PTPRA: variants seen among roughly 807,000 people sequenced by gnomAD.
The protein encoded by PTPRA is protein tyrosine phosphatase receptor type A, also known as receptor-type tyrosine-protein phosphatase alpha.
PTPRA carries 25 observed loss-of-function variants against 104.8 expected under a neutral mutation model. The observed-to-expected ratio is 0.24, with a 90% CI of 0.17 to 0.33. PTPRA has a LOEUF of 0.33. PTPRA is among the 10% of genes least tolerant of loss of function. PTPRA has a pLI of 1.00. For missense variants in PTPRA, 765 were observed against 1,015.3 expected (o/e 0.75, Z 3.35); for synonymous variants, 323 against 368.9 (o/e 0.88, Z 1.43).
chr20:2,976,792 G>A (rs565615411), intron 6 of PTPRA, among the ~76,000 whole-genome samples: 1 of 152,296 alleles, frequency 6.6e-6, no homozygotes, highest in South Asian at 2.1e-4. Context: ...ATTATAATCG[G>A]TTTGATAAGC....
At chr20:2,895,234 C>G (rs529653631) in intron 1 of PTPRA, among the ~76,000 whole-genome samples, 1 of 151,834 alleles carries the variant, frequency 6.6e-6, no homozygotes, top group Non-Finnish European at 1.5e-5. Context: ...CGTCACCACA[C>G]CCAGCTAATT....
Position 2,950,863 on chromosome 20 carries a change from C to A in PTPRA, c.-7+2839C>A, listed in dbSNP as rs930791599. 5.9e-5 allele frequency among the ~76,000 whole-genome samples: 9 copies of A among 151,940 alleles called. No homozygotes were observed. Among genetic ancestry groups the A allele is most frequent in the Middle Eastern group, 3.4e-3 (1 of 292 alleles). On this transcript the variant is annotated intron_variant, in intron 3 of 23. Transcript: ENST00000399903. The surrounding 1 kb of genome is among the most constrained non-coding windows in gnomAD (Gnocchi z 4.0). ...GTGTAAAATTTATTACATTTTGATC[C>A]ATGTATATAGCAGGGAAATATCACC...
At chr20:2,983,896 T>C (rs2062794328) in intron 6 of PTPRA, among the ~76,000 whole-genome samples, 1 of 152,018 alleles carries the variant, frequency 6.6e-6, no homozygotes, top group South Asian at 2.1e-4. Flanking sequence ...TTTACAGTCA[T>C]CTCTCTGATC....
In PTPRA at chr20:3,035,582, C is replaced by T. The variant is rs1555814905; in HGVS notation, c.1921-3C>T. On this transcript the variant is annotated splice_region_variant and splice_polypyrimidine_tract_variant and intron_variant, in intron 20 of 23. Coordinates refer to ENST00000399903, the MANE Select transcript of PTPRA (RefSeq NM_001385305.1). This position sits in a 1 kb window ranked among gnomAD's most constrained non-coding sequence, Gnocchi z 5.8. ...TCCTCACCTCTCCAACCTGTCTCTC[C>T]AGGAGAAGTGTGCCCAGTACTGGCC... The T allele has an allele frequency of 3.1e-6, 5 of 1,610,322 alleles. No homozygotes were observed. The South Asian group carries it at 4.4e-5, about 14-fold the overall frequency.
In PTPRA at chr20:2,988,096, G is replaced by A; in HGVS notation, c.592G>A (p.Glu198Lys). The A allele has an allele frequency of 1.3e-6, 2 of 1,582,976 alleles. No individual in the cohort carries two copies. Among genetic ancestry groups the A allele is most frequent in the Non-Finnish European group, 1.7e-6 (2 of 1,151,630 alleles). ...TTTCCGCTTATCCAACGGCCGCACT[G>A]AGGATGTGGGTAAGGCATTCCTTAA... Reference protein sequence around the residue: ...NSFRLSNGRTEDVEPQSVPLL... With the variant: ...NSFRLSNGRTKDVEPQSVPLL... The change falls in exon 8 of 24, where the codon GAG becomes AAG. Residue 198 changes from glutamate to lysine, a missense_variant. Physicochemically the swap from Glu to Lys is moderately conservative, Grantham distance 56 (BLOSUM62 1). Transcript: ENST00000399903.
At chr20:3,032,525 T>A (rs2065518182) in intron 20 of PTPRA, among the ~76,000 whole-genome samples, 1 of 152,164 alleles carries the variant, frequency 6.6e-6, no homozygotes, top group South Asian at 2.1e-4. Flanking sequence ...CCCAGCACTT[T>A]GGGAGGCCAA....
At chr20:2,932,001 T>G (rs2147517340) in intron 2 of PTPRA, among the ~76,000 whole-genome samples, 1 of 152,306 alleles carries the variant, frequency 6.6e-6, no homozygotes, top group Admixed American at 6.5e-5. Flanking sequence ...AACTTTAACT[T>G]TTTTCTTCCT....
Position 2,966,606 on chromosome 20 carries a change from G to A in PTPRA, c.415+1404G>A, listed in dbSNP as rs1600185717. 3.3e-5 allele frequency among the ~76,000 whole-genome samples: 5 copies of A among 152,308 alleles called. 1 individual carries two copies. In the South Asian group the frequency reaches 1.0e-3, roughly 32 times the overall value. On this transcript the variant is annotated intron_variant, in intron 5 of 23. Transcript: ENST00000399903. ...ACTTGCTTTGTGCTTTAGAGTTAAT[G>A]TAGTTTTGTCATAGTTATTACTGTG...
At chr20:2,945,582 G>GGTGTGT (rs3842441) in intron 2 of PTPRA, among the ~76,000 whole-genome samples, 28 of 148,152 alleles carry the variant, frequency 1.9e-4, no homozygotes, top group East Asian at 5.9e-4. Context: ...ATAATTGGCA[G>GGTGTGT]GTGTGTGTGT....
chr20:3,005,080 G>C lies in PTPRA; in HGVS notation c.763G>C (p.Ala255Pro). Reference sequence around the variant, plus strand: ...GGCTCTCCCTGCATGTCCTATCCAGGCCACCTGTGAGGCTGCTTCCAAGGA... The same window carrying C: ...GGCTCTCCCTGCATGTCCTATCCAGCCCACCTGTGAGGCTGCTTCCAAGGA... ...FNALPACPIQ[A>P]TCEAASKEEN... Residue 255 changes from alanine (A) to proline (P), a missense_variant, in exon 10 of 24, where the codon GCC (alanine) becomes CCC (proline). Transcript: ENST00000399903. 1 of 1,610,760 alleles carries C rather than the reference G, an allele frequency of 6.2e-7. No homozygotes were observed. The highest frequency in any genetic ancestry group is 1.7e-4 in the Middle Eastern group (1 of 6,054).
At chr20:3,023,338 T>C (rs1224949668) in intron 16 of PTPRA, among the ~76,000 whole-genome samples, 5 of 152,110 alleles carry the variant, frequency 3.3e-5, no homozygotes, top group Non-Finnish European at 7.4e-5. Flanking sequence ...GAAGGGTCTG[T>C]GCTGAGGAGG....
At chr20:2,946,491 G>A (rs778184312) in intron 2 of PTPRA, among the ~76,000 whole-genome samples, 4 of 152,128 alleles carry the variant, frequency 2.6e-5, no homozygotes, top group Non-Finnish European at 5.9e-5. Context: ...AAGTTTCTTC[G>A]TATTCCTTTT....
intron 13 of PTPRA, 120 bp from the exon 14 acceptor site, chr20:3,021,189 G>A (rs1314702106): frequency 2.2e-6 from 3 of 1,384,742 alleles, no homozygotes; most frequent in East Asian, 2.4e-5. Context: ...ATAGAGAAGA[G>A]GTCAAAGGGC....
At chr20:2,998,133 G>T (rs1457413828) in intron 9 of PTPRA, among the ~76,000 whole-genome samples, 1 of 143,884 alleles carries the variant, frequency 7.0e-6, no homozygotes, top group Non-Finnish European at 1.5e-5. Context: ...AGTGATCACC[G>T]CACTGCCCTC....
intron 2 of PTPRA, among the ~76,000 whole-genome samples, chr20:2,938,280 G>A (rs1303142089): frequency 6.6e-6 from 1 of 152,164 alleles, no homozygotes. Context: ...CGCCTCCTGG[G>A]TTCAAGCAAT....
intron 11 of PTPRA, among the ~76,000 whole-genome samples, chr20:3,014,393 T>G (rs2064332926): frequency 6.6e-6 from 1 of 151,888 alleles, no homozygotes; most frequent in Non-Finnish European, 1.5e-5. Flanking sequence ...ATCCCAGTAC[T>G]TTGGGAGGCC....
At chr20:2,884,648 A>G (rs906673943) in intron 1 of PTPRA, among the ~76,000 whole-genome samples, 4 of 152,080 alleles carry the variant, frequency 2.6e-5, no homozygotes, top group African/African-American at 9.7e-5. Context: ...AGTTACTTAT[A>G]TATTTTTAGA....
upstream of PTPRA, among the ~76,000 whole-genome samples, chr20:2,872,244 G>C (rs1002197902): frequency 6.6e-6 from 1 of 152,206 alleles, no homozygotes; most frequent in African/African-American, 2.4e-5. This position sits in a 1 kb window ranked among gnomAD's most constrained non-coding sequence, Gnocchi z 7.9. Flanking sequence ...GCTGCTGGGA[G>C]CCCCTTTTGC....
At chr20:2,926,937 C>G (rs888118442) in intron 2 of PTPRA, among the ~76,000 whole-genome samples, 8 of 151,354 alleles carry the variant, frequency 5.3e-5, no homozygotes, top group African/African-American at 1.9e-4. Context: ...ATTACAGGCA[C>G]CCGCCACCAC....
Sources: gnomAD v4.1 joint callset for allele counts (sites outside exome capture counted in the v4.1 genomes callset) on GRCh38, gnomAD v4.1.1 for gene constraint, Gnocchi (gnomAD v3.1) non-coding constraint, MANE v1.5 for transcripts, NCBI Gene and HGNC (gene_info 2026-07-23, HGNC 2026-07-21) for gene names.